SEMA5B: variants seen among roughly 807,000 people sequenced by gnomAD.
SEMA5B encodes semaphorin-5B.
In SEMA5B, 66 loss-of-function variants were observed where a neutral mutation model predicts 135.0. The observed-to-expected ratio is 0.49, with a 90% confidence interval of 0.40 to 0.60. SEMA5B has a LOEUF of 0.60. SEMA5B is among the 20% of genes least tolerant of loss of function. The probability of loss-of-function intolerance (pLI) is 0.00; values close to 1 mark genes in which losing one functional copy is unlikely to be tolerated. For missense variants in SEMA5B, 1,501 were observed against 1,566.3 expected (o/e 0.96, Z 0.70); for synonymous variants, 690 against 639.5 (o/e 1.08, Z -1.19).
chr3:122,966,369 C>A (rs1038931844), intron 1 of SEMA5B, among the ~76,000 whole-genome samples: 2 of 149,900 alleles, frequency 1.3e-5, no homozygotes, highest in East Asian at 3.9e-4. Flanking sequence ...AGAGAAGAGC[C>A]CCTCCTAAAA....
Position 122,918,461 on chromosome 3 carries a change from C to G in SEMA5B, c.1689-2571G>C, listed in dbSNP as rs560614040. ...AATCTTCTAAATACCCCCCAGGTAA[C>G]TCTGCTGTGTACCCATGGTTGAGAA... On this transcript the variant is annotated intron_variant, in intron 12 of 22. Coordinates refer to ENST00000357599, the MANE Select transcript of SEMA5B (RefSeq NM_001031702.4). 2.2e-4 allele frequency among the ~76,000 whole-genome samples: 34 copies of G among 152,336 alleles called. No individual in the cohort carries two copies. In the South Asian group the frequency reaches 7.0e-3, roughly 32 times the overall value.
intron 1 of SEMA5B, among the ~76,000 whole-genome samples, chr3:122,991,169 A>G (rs1008175223): frequency 1.3e-5 from 2 of 152,190 alleles, no homozygotes; most frequent in Non-Finnish European, 2.9e-5. Flanking sequence ...GTTCCACTAG[A>G]AAGAGCTAGA....
intron 1 of SEMA5B, among the ~76,000 whole-genome samples, chr3:122,980,862 C>G (rs534594598): frequency 1.3e-5 from 2 of 152,348 alleles, no homozygotes; most frequent in South Asian, 4.1e-4. Flanking sequence ...TTTCTACTAT[C>G]TGTCTCTGAT....
intron 9 of SEMA5B, among the ~76,000 whole-genome samples, chr3:122,925,831 T>C (rs79054464): frequency 0.05 from 7,516 of 151,188 alleles, 239 homozygotes; most frequent in Middle Eastern, 0.11. Flanking sequence ...AAGTCACCTG[T>C]TTGGGTTAGC....
At chr3:122,918,930 A>AT (rs1938207764) in intron 12 of SEMA5B, among the ~76,000 whole-genome samples, 1 of 152,088 alleles carries the variant, frequency 6.6e-6, no homozygotes, top group Non-Finnish European at 1.5e-5. Flanking sequence ...GACTGTGGAA[A>AT]TGGGTGGCAG....
chr3:122,912,707 G>A (rs1403491195), intron 18 of SEMA5B, 136 bp downstream of exon 18: 11 of 847,164 alleles, frequency 1.3e-5, no homozygotes, highest in Non-Finnish European at 2.0e-5. Context: ...TTTGCTCTGG[G>A]GGTCCCTAGC....
intron 12 of SEMA5B, among the ~76,000 whole-genome samples, chr3:122,917,698 G>A (rs554993497): frequency 6.6e-6 from 1 of 152,150 alleles, no homozygotes; most frequent in African/African-American, 2.4e-5. Flanking sequence ...ATGGGAGCCC[G>A]GTGAGCACAC....
chr3:122,951,510 G>T (rs965763566), intron 2 of SEMA5B, among the ~76,000 whole-genome samples: 1 of 152,182 alleles, frequency 6.6e-6, no homozygotes, highest in Non-Finnish European at 1.5e-5. Flanking sequence ...CCTAACATTT[G>T]TCTAACTTGT....
chr3:122,932,276 G>T (rs1440790483), intron 5 of SEMA5B, among the ~76,000 whole-genome samples: 5 of 98,894 alleles, frequency 5.1e-5, no homozygotes, highest in African/African-American at 7.3e-5. Context: ...TTTTTGGAGA[G>T]AAGGTCTTGC....
At chr3:122,940,064 C>T (rs906869626) in intron 4 of SEMA5B, among the ~76,000 whole-genome samples, 1 of 152,126 alleles carries the variant, frequency 6.6e-6, no homozygotes, top group Non-Finnish European at 1.5e-5. Flanking sequence ...CTGGACCACC[C>T]TCTCTCCTCT....
chr3:122,915,666 G>T, intron 13 of SEMA5B, 45 bp from the exon 14 acceptor site: 1 of 1,600,576 alleles, frequency 6.2e-7, no homozygotes, highest in South Asian at 1.1e-5. Context: ...CCCAAGCCAA[G>T]GGCAGGGAAG....
chr3:123,014,769 T>G (rs538398191), intron 1 of SEMA5B, among the ~76,000 whole-genome samples: 2 of 152,224 alleles, frequency 1.3e-5, no homozygotes, highest in Non-Finnish European at 2.9e-5. Context: ...GGGAAAAATG[T>G]AGTCTCGAAA....
intron 1 of SEMA5B, among the ~76,000 whole-genome samples, chr3:123,012,461 A>G (rs538390219): frequency 5.3e-4 from 81 of 152,296 alleles, no homozygotes; most frequent in Middle Eastern, 3.4e-3. Context: ...AGCCATAGGC[A>G]TGGCCCCTCC....
At chr3:122,954,438 G>A (rs528014319) in intron 2 of SEMA5B, among the ~76,000 whole-genome samples, 3 of 152,216 alleles carry the variant, frequency 2.0e-5, no homozygotes, top group Non-Finnish European at 4.4e-5. Context: ...GTCAGACTAG[G>A]AGTTGCCAAC....
In SEMA5B at chr3:122,922,241, G is replaced by C. The variant is rs148490504; in HGVS notation, c.1479C>G (p.Thr493=). 1.9e-4 allele frequency: 307 copies of C among 1,607,954 alleles called. No homozygotes were observed. The highest frequency in any genetic ancestry group is 2.4e-4 in the Non-Finnish European group (281 of 1,175,180). ...DTLYHVLYIG[T]ESGTILKALS... is the part of the protein sequence containing the mutation. ...CCAGGTTGGACCGGGCCGGCTCACCGGTGCCAATGTAGAGTACATGGTAGA... is the reference window on the plus strand; with the variant it reads ...CCAGGTTGGACCGGGCCGGCTCACCCGTGCCAATGTAGAGTACATGGTAGA... Residue 493 remains threonine (T), a splice_region_variant and synonymous_variant, in exon 11 of 23, where the codon ACC becomes ACG. Coordinates refer to ENST00000357599, the MANE Select transcript of SEMA5B (RefSeq NM_001031702.4).
intron 1 of SEMA5B, among the ~76,000 whole-genome samples, chr3:122,970,216 A>C (rs1172347123): frequency 6.6e-6 from 1 of 152,230 alleles, no homozygotes; most frequent in Non-Finnish European, 1.5e-5. Flanking sequence ...GGGCACCATC[A>C]CTTCTCAGGG....
At chr3:122,991,115 C>A (rs925961836) in intron 1 of SEMA5B, among the ~76,000 whole-genome samples, 11 of 152,166 alleles carry the variant, frequency 7.2e-5, no homozygotes, top group African/African-American at 2.7e-4. Context: ...CTTCACACTG[C>A]ACAGATGGAG....
chr3:122,957,082 G>C (rs572452532), intron 2 of SEMA5B, among the ~76,000 whole-genome samples: 1 of 152,312 alleles, frequency 6.6e-6, no homozygotes, highest in South Asian at 2.1e-4. Flanking sequence ...TGGAAAGCAG[G>C]ACCGAGGCCA....
intron 1 of SEMA5B, among the ~76,000 whole-genome samples, chr3:122,979,023 T>C (rs575929206): frequency 6.6e-6 from 1 of 152,060 alleles, no homozygotes; most frequent in Admixed American, 6.5e-5. Flanking sequence ...CCGAAGGCGG[T>C]TCAGAGAGGG....
Sources: allele counts gnomAD v4.1 joint callset (sites outside exome capture counted in the v4.1 genomes callset), GRCh38; gene constraint gnomAD v4.1.1; transcripts MANE v1.5; gene names NCBI Gene and HGNC (gene_info 2026-07-23, HGNC 2026-07-21).